The following TENM3 variants were observed in gnomAD, a reference collection of about 807,000 sequenced individuals.
TENM3 encodes the protein teneurin transmembrane protein 3, also known as teneurin-3.
Under a neutral mutation model 255.1 loss-of-function variants are expected in TENM3, and 63 were observed. The observed-to-expected ratio is 0.25, with a 90% CI of 0.20 to 0.30. The LOEUF (loss-of-function observed/expected upper bound fraction) is 0.30. TENM3 is among the 10% of genes least tolerant of loss of function. TENM3 has a pLI of 1.00. For synonymous variants in TENM3, 1,306 were observed against 1,322.3 expected (o/e 0.99, Z 0.27); for missense variants, 2,929 against 3,461.1 (o/e 0.85, Z 3.86).
the TENM3 span, among the ~76,000 whole-genome samples, chr4:181,850,540 TG>T: frequency 6.6e-6 from 1 of 152,174 alleles, no homozygotes; most frequent in South Asian, 2.1e-4. Flanking sequence ...CAGTAGTACT[TG>T]TTATATCGAG....
At position 182,161,897 on chromosome 4, in the gene TENM3, G is replaced by A. The variant is rs1362516060; in HGVS notation, c.-76+17143G>A. Reference sequence around the variant, plus strand: ...TGTATATATATACACACATATATGTGTATATATACACACACATGTATGTGT... The same window carrying A: ...TGTATATATATACACACATATATGTATATATATACACACACATGTATGTGT... On this transcript the variant is annotated intron_variant, in intron 1 of 2. Transcript: ENST00000512480. 8.2e-4 allele frequency among the ~76,000 whole-genome samples: 38 copies of A among 46,332 alleles called. 10 individuals are homozygous for A. Among genetic ancestry groups the A allele is most frequent in the African/African-American group, 1.2e-3 (18 of 15,284 alleles). 30.4% of individuals were successfully genotyped at this position (46,332 alleles called of 152,430 possible). A position where few individuals can be genotyped will look rare whatever the true frequency, so the allele number is the denominator to read the frequency against.
At chr4:181,790,182 C>A in the TENM3 span, among the ~76,000 whole-genome samples, 1 of 152,144 alleles carries the variant, frequency 6.6e-6, no homozygotes, top group Non-Finnish European at 1.5e-5. Flanking sequence ...CTGCTGGTGG[C>A]CCCCGGAGGA....
intron 3 of TENM3, among the ~76,000 whole-genome samples, chr4:182,384,220 T>G (rs1290489052): frequency 6.6e-6 from 1 of 152,150 alleles, no homozygotes; most frequent in African/African-American, 2.4e-5. Flanking sequence ...TGACATTTTA[T>G]TCAGAGCCAA....
At chr4:181,605,562 G>T in the TENM3 span, among the ~76,000 whole-genome samples, 1 of 27,196 alleles carries the variant, frequency 3.7e-5, no homozygotes, top group Non-Finnish European at 1.1e-4. Flanking sequence ...AAGAAAGAAA[G>T]AAAGAAAGAG....
chr4:181,565,083 T>A, the TENM3 span, among the ~76,000 whole-genome samples: 741 of 152,406 alleles, frequency 4.9e-3, 10 homozygotes, highest in South Asian at 0.056. Flanking sequence ...TATGTCACTT[T>A]GTAACAAGAT....
chr4:182,651,172 C>T (rs1753245922), intron 5 of TENM3, among the ~76,000 whole-genome samples: 2 of 152,116 alleles, frequency 1.3e-5, no homozygotes, highest in East Asian at 1.9e-4. Context: ...GCTGCTATGC[C>T]AGAGTGTGTC....
chr4:182,273,413 G>T (rs1759779584), intron 1 of TENM3, among the ~76,000 whole-genome samples: 1 of 152,182 alleles, frequency 6.6e-6, no homozygotes, highest in Non-Finnish European at 1.5e-5. Flanking sequence ...TCAGATTTTT[G>T]AAAGACAGAT....
chr4:182,060,889 T>C, the TENM3 span, among the ~76,000 whole-genome samples: 1 of 152,226 alleles, frequency 6.6e-6, no homozygotes, highest in African/African-American at 2.4e-5. Flanking sequence ...GGCAGGTATA[T>C]GCATTCCCCA....
chr4:182,699,539 T>A (rs1757685191), intron 12 of TENM3, among the ~76,000 whole-genome samples: 1 of 152,194 alleles, frequency 6.6e-6, no homozygotes, highest in African/African-American at 2.4e-5. Flanking sequence ...AATTTTTGAA[T>A]CCATTAATTT....
chr4:182,770,019 T>C (rs139498223), intron 22 of TENM3, among the ~76,000 whole-genome samples: 18,441 of 150,964 alleles, frequency 0.12, 1,555 homozygotes, highest in Non-Finnish European at 0.15. Flanking sequence ...GGGAGGAGGA[T>C]TGCTTGAACC....
At chr4:182,438,758 T>TA (rs1231083264) in intron 3 of TENM3, among the ~76,000 whole-genome samples, 2 of 152,250 alleles carry the variant, frequency 1.3e-5, no homozygotes, top group East Asian at 3.8e-4. Flanking sequence ...GACATAGTGA[T>TA]ATATTGATCT....
At chr4:182,447,984 G>A (rs1352031639) in intron 3 of TENM3, among the ~76,000 whole-genome samples, 1 of 152,254 alleles carries the variant, frequency 6.6e-6, no homozygotes, top group Non-Finnish European at 1.5e-5. Context: ...TTTAAGTGAT[G>A]CAATGTTGAA....
the TENM3 span, among the ~76,000 whole-genome samples, chr4:182,021,723 TTGA>T: frequency 2.1e-5 from 3 of 140,348 alleles, 1 homozygote; most frequent in East Asian, 5.9e-4. Flanking sequence ...TGCCCAATAT[TTGA>T]TGAATAAACA....
At chr4:181,789,847 C>T in the TENM3 span, among the ~76,000 whole-genome samples, 1 of 152,070 alleles carries the variant, frequency 6.6e-6, no homozygotes, top group Admixed American at 6.6e-5. Flanking sequence ...GCATGCCACC[C>T]CCTCCCCGGT....
chr4:182,770,339 C>A (rs1402337504), intron 22 of TENM3, among the ~76,000 whole-genome samples: 3 of 152,142 alleles, frequency 2.0e-5, no homozygotes, highest in Admixed American at 2.0e-4. Context: ...TTTCTTTAAA[C>A]CTTCTTCAGC....
the TENM3 span, among the ~76,000 whole-genome samples, chr4:181,557,586 A>G: frequency 6.6e-6 from 1 of 152,152 alleles, no homozygotes; most frequent in Non-Finnish European, 1.5e-5. Context: ...GAGTGCAGTG[A>G]CGCAATCACA....
At chr4:181,784,452 A>T in the TENM3 span, among the ~76,000 whole-genome samples, 12 of 152,008 alleles carry the variant, frequency 7.9e-5, no homozygotes, top group Admixed American at 7.9e-4. Flanking sequence ...AATTTCCTAG[A>T]ATTTTATTTA....
At chr4:182,324,933 T>A (rs1471506462) in intron 2 of TENM3, among the ~76,000 whole-genome samples, 2 of 152,214 alleles carry the variant, frequency 1.3e-5, no homozygotes, top group Non-Finnish European at 2.9e-5. Flanking sequence ...GAATCATGAC[T>A]CCTGTAACTT....
the TENM3 span, among the ~76,000 whole-genome samples, chr4:181,624,753 C>A: frequency 6.6e-6 from 1 of 152,146 alleles, no homozygotes; most frequent in Non-Finnish European, 1.5e-5. Context: ...TTGACTTGCC[C>A]ACAGTTCTGC....
Sources: gnomAD v4.1 joint callset for allele counts (sites outside exome capture counted in the v4.1 genomes callset) on GRCh38, gnomAD v4.1.1 for gene constraint, MANE v1.5 for transcripts, NCBI Gene and HGNC (gene_info 2026-07-23, HGNC 2026-07-21) for gene names.